The following SLC9A2 variants were observed in gnomAD, a reference collection of about 807,000 sequenced individuals.
The protein encoded by SLC9A2 is sodium/hydrogen exchanger 2.
In SLC9A2, 42 loss-of-function variants were observed where a neutral mutation model predicts 71.7. The observed-to-expected ratio is 0.59, with a 90% CI of 0.46 to 0.76. The LOEUF (loss-of-function observed/expected upper bound fraction) is 0.76, where lower values mean the gene tolerates loss of function less well. SLC9A2 is among the 30% of genes least tolerant of loss of function. The pLI, the probability that SLC9A2 is intolerant of heterozygous loss-of-function variation, is 0.00. For synonymous variants in SLC9A2, 396 were observed against 392.5 expected (o/e 1.01, Z -0.10); for missense variants, 829 against 1,017.4 (o/e 0.81, Z 2.52).
intron 3 of SLC9A2, among the ~76,000 whole-genome samples, chr2:102,677,169 G>A (rs900293278): frequency 5.3e-5 from 8 of 152,148 alleles, no homozygotes; most frequent in Admixed American, 2.6e-4. Context: ...TAGAAAGCAG[G>A]TTAATAATGG....
intron 1 of SLC9A2, among the ~76,000 whole-genome samples, chr2:102,648,881 T>G (rs75626425): frequency 5.6e-4 from 84 of 150,508 alleles, no homozygotes; most frequent in Middle Eastern, 3.5e-3. Context: ...ATAGGAAGAA[T>G]CAATATCATG....
In SLC9A2 at chr2:102,685,439, C is replaced by T. The variant is rs371762214; in HGVS notation, c.1425+1103C>T. ...GTTCTCACGTCCTTTGTAAAAGGAT[C>T]ATACTGGCCACTGTGTTGAGAATAG... is the stretch of plus-strand genomic sequence containing the variant. On this transcript the variant is annotated intron_variant, in intron 5 of 11. Coordinates refer to ENST00000233969, the MANE Select transcript of SLC9A2 (RefSeq NM_003048.6). Among the ~76,000 whole-genome samples the T allele has an allele frequency of 7.2e-5, 11 of 152,218 alleles. No individual in the cohort carries two copies. In the East Asian group the frequency reaches 9.6e-4, roughly 13 times the overall value.
chr2:102,690,109 C>A (rs897880111), intron 5 of SLC9A2, among the ~76,000 whole-genome samples: 2 of 152,034 alleles, frequency 1.3e-5, no homozygotes, highest in African/African-American at 4.8e-5. Context: ...GACAACTGAA[C>A]CCTGAAACAT....
intron 8 of SLC9A2, among the ~76,000 whole-genome samples, chr2:102,701,584 T>C (rs1240776784): frequency 3.3e-5 from 5 of 152,240 alleles, no homozygotes; most frequent in African/African-American, 9.6e-5. Flanking sequence ...AATTCATGTA[T>C]GATCAAGCTT....
At chr2:102,644,272 G>C (rs1162235773) in intron 1 of SLC9A2, among the ~76,000 whole-genome samples, 1 of 152,108 alleles carries the variant, frequency 6.6e-6, no homozygotes, top group Non-Finnish European at 1.5e-5. Context: ...GTGAGGGACT[G>C]TGCATTCTGG....
intron 1 of SLC9A2, among the ~76,000 whole-genome samples, chr2:102,649,010 A>G (rs1428321079): frequency 6.7e-6 from 1 of 149,912 alleles, no homozygotes; most frequent in East Asian, 2.0e-4. Context: ...AAACAAAAAA[A>G]GACAAGACAA....
intron 1 of SLC9A2, among the ~76,000 whole-genome samples, chr2:102,650,431 T>C (rs187790311): frequency 1.6e-3 from 247 of 152,296 alleles, no homozygotes; most frequent in African/African-American, 4.9e-3. Context: ...CAATGGTACA[T>C]GTATACCTAT....
chr2:102,654,505 C>A (rs1487443029), intron 1 of SLC9A2, among the ~76,000 whole-genome samples: 2 of 152,050 alleles, frequency 1.3e-5, no homozygotes, highest in African/African-American at 2.4e-5. Flanking sequence ...TTTAACAGTT[C>A]TTTAAACCTT....
rs776232380 is a variant in SLC9A2, at chr2:102,684,213, T to C, written c.1302T>C (p.Tyr434=). ...TTAAGGACCAGTTCATCATTGCCTATGGAGGACTTCGAGGTGCCATCTGTT... is the reference window on the plus strand; with the variant it reads ...TTAAGGACCAGTTCATCATTGCCTACGGAGGACTTCGAGGTGCCATCTGTT... ...LTFKDQFIIA[Y]GGLRGAICFA... Residue 434 remains tyrosine (Y), a synonymous_variant, in exon 5 of 12, where the codon TAT becomes TAC. Coordinates refer to ENST00000233969, the MANE Select transcript of SLC9A2 (RefSeq NM_003048.6). The C allele has an allele frequency of 3.1e-6, 5 of 1,614,148 alleles. No homozygotes were observed. The highest frequency in any genetic ancestry group is 3.4e-6 in the Non-Finnish European group (4 of 1,179,980).
chr2:102,650,524 T>A (rs1296907117), intron 1 of SLC9A2, among the ~76,000 whole-genome samples: 1 of 152,202 alleles, frequency 6.6e-6, no homozygotes, highest in Non-Finnish European at 1.5e-5. Context: ...ATTTTCTGTT[T>A]TTTAGATTAT....
intron 2 of SLC9A2, among the ~76,000 whole-genome samples, chr2:102,664,026 A>AAATCG (rs1677091613): frequency 6.6e-6 from 1 of 152,146 alleles, no homozygotes; most frequent in Non-Finnish European, 1.5e-5. Flanking sequence ...CTGTAATCCT[A>AAATCG]GCATTTTGGG....
Position 102,620,027 on chromosome 2 carries a change from C to A in SLC9A2, c.179C>A (p.Thr60Lys). 2.5e-6 allele frequency: 4 copies of A among 1,614,098 alleles called. No individual in the cohort carries two copies. Among genetic ancestry groups the A allele is most frequent in the Non-Finnish European group, 3.4e-6 (4 of 1,180,006 alleles). Residue 60 changes from threonine (T) to lysine (K), a missense_variant, in exon 1 of 12, where the codon ACG (threonine) becomes AAG (lysine). Around this residue, in one of 3 missense-constraint regions of SLC9A2, gnomAD observed 106 missense variants for 93.5 expected, o/e 1.13. Coordinates refer to ENST00000233969, the MANE Select transcript of SLC9A2 (RefSeq NM_003048.6). ...CCTGCGAGCGTGGTGGCTCCCGGAA[C>A]GACGCTGTTCGAGGAGAGCCGGCTG... Reference protein sequence around the residue: ...PSPASVVAPGTTLFEESRLPV... With the variant: ...PSPASVVAPGKTLFEESRLPV...
At chr2:102,703,203 G>C (rs1211448450) in intron 9 of SLC9A2, among the ~76,000 whole-genome samples, 1 of 152,184 alleles carries the variant, frequency 6.6e-6, no homozygotes, top group African/African-American at 2.4e-5. Context: ...ACTCTTACCT[G>C]ACCCTTTTTC....
intron 1 of SLC9A2, among the ~76,000 whole-genome samples, chr2:102,634,841 T>C (rs938319415): frequency 5.3e-5 from 8 of 152,030 alleles, no homozygotes; most frequent in Admixed American, 5.3e-4. Context: ...GAGGGCTAGG[T>C]GAAAGACTAG....
chr2:102,621,796 T>G (rs1270240325), intron 1 of SLC9A2, among the ~76,000 whole-genome samples: 1 of 152,178 alleles, frequency 6.6e-6, no homozygotes, highest in African/African-American at 2.4e-5. Flanking sequence ...AGAGAACACT[T>G]CCTCATGCAG....
intron 5 of SLC9A2, among the ~76,000 whole-genome samples, chr2:102,690,303 T>C (rs991409961): frequency 1.3e-5 from 2 of 152,044 alleles, no homozygotes; most frequent in African/African-American, 4.8e-5. Flanking sequence ...GTCTTGGATG[T>C]AGTGACGCCG....
chr2:102,678,955 G>A (rs888951977), intron 3 of SLC9A2, among the ~76,000 whole-genome samples: 1 of 152,156 alleles, frequency 6.6e-6, no homozygotes, highest in Non-Finnish European at 1.5e-5. Context: ...ATTTTTGAAG[G>A]TGAGGTGGTT....
intron 7 of SLC9A2, among the ~76,000 whole-genome samples, chr2:102,695,473 A>G (rs1348210267): frequency 6.6e-6 from 1 of 152,042 alleles, no homozygotes; most frequent in Non-Finnish European, 1.5e-5. Context: ...TAGCCATTAG[A>G]GGCAGCAAGA....
At chr2:102,639,266 T>C (rs1676527269) in intron 1 of SLC9A2, among the ~76,000 whole-genome samples, 1 of 152,266 alleles carries the variant, frequency 6.6e-6, no homozygotes, top group Non-Finnish European at 1.5e-5. Context: ...TAGGCTATCA[T>C]TCACTCAACC....
Sources: gnomAD v4.1 joint callset for allele counts (sites outside exome capture counted in the v4.1 genomes callset) on GRCh38, gnomAD v4.1.1 for gene constraint, gnomAD v4.1.1 regional missense constraint, MANE v1.5 for transcripts, NCBI Gene and HGNC (gene_info 2026-07-23, HGNC 2026-07-21) for gene names.